The following LIPC variants were observed in gnomAD, a reference collection of about 807,000 sequenced individuals.
LIPC encodes lipase C, hepatic type, also known as hepatic triacylglycerol lipase.
In LIPC, 44 loss-of-function variants were observed where a neutral mutation model predicts 50.7. The observed-to-expected ratio is 0.87, with a 90% CI of 0.68 to 1.11. The LOEUF (loss-of-function observed/expected upper bound fraction) is 1.11. LIPC is among the 50% of genes most tolerant of loss of function. LIPC has a pLI of 0.00. For missense variants in LIPC, 697 were observed against 648.2 expected, an observed-to-expected ratio of 1.08 and a Z score of -0.82; for synonymous variants, 271 against 256.4, an observed-to-expected ratio of 1.06 and a Z score of -0.54.
intron 1 of LIPC, chr15:58,533,160 G>A (rs752579115): frequency 1.5e-5 from 15 of 985,326 alleles, no homozygotes; most frequent in South Asian, 4.7e-5. Context: ...CTCTTCTGAA[G>A]ACATGAGAAA....
chr15:58,553,324 G>A (rs926971148), intron 6 of LIPC, among the ~76,000 whole-genome samples: 10 of 152,182 alleles, frequency 6.6e-5, no homozygotes, highest in Non-Finnish European at 8.8e-5. Flanking sequence ...GGCCAGGCAC[G>A]GTGGCTCACA....
At chr15:58,499,481 T>A (rs1891896388) in intron 1 of LIPC, among the ~76,000 whole-genome samples, 1 of 152,196 alleles carries the variant, frequency 6.6e-6, no homozygotes, top group Non-Finnish European at 1.5e-5. Context: ...CTGAAGCAGC[T>A]TTCATAATTC....
At chr15:58,479,598 G>C (rs1336855412) in intron 1 of LIPC, among the ~76,000 whole-genome samples, 2 of 152,198 alleles carry the variant, frequency 1.3e-5, no homozygotes, top group Admixed American at 6.5e-5. Flanking sequence ...TGTCAATGCA[G>C]ATTGTAATTT....
intron 6 of LIPC, among the ~76,000 whole-genome samples, chr15:58,554,738 A>G (rs577145014): frequency 6.6e-6 from 1 of 152,240 alleles, no homozygotes; most frequent in Non-Finnish European, 1.5e-5. Flanking sequence ...ACAAAAGAGG[A>G]GGAGGAAGAA....
intron 1 of LIPC, among the ~76,000 whole-genome samples, chr15:58,478,235 T>G (rs1425192479): frequency 6.6e-6 from 1 of 152,162 alleles, no homozygotes; most frequent in African/African-American, 2.4e-5. Context: ...TCACATTTCT[T>G]TTTTTGTTAG....
At chr15:58,443,918 G>T (rs373217237) in intron 1 of LIPC, among the ~76,000 whole-genome samples, 1 of 152,168 alleles carries the variant, frequency 6.6e-6, no homozygotes, top group Admixed American at 6.5e-5. Context: ...CCTTCTTCAG[G>T]GTGGGGGAGA....
At chr15:58,508,125 G>A (rs1892214524) in intron 1 of LIPC, among the ~76,000 whole-genome samples, 1 of 151,998 alleles carries the variant, frequency 6.6e-6, no homozygotes, top group African/African-American at 2.4e-5. Context: ...GAGACTAGAG[G>A]TAATTGCTTT....
At chr15:58,520,596 A>G (rs1216945487) in intron 1 of LIPC, among the ~76,000 whole-genome samples, 1 of 152,178 alleles carries the variant, frequency 6.6e-6, no homozygotes, top group African/African-American at 2.4e-5. Flanking sequence ...CATCCTATGG[A>G]CTATCAGTCC....
At chr15:58,537,558 G>A (rs547990246) in intron 1 of LIPC, among the ~76,000 whole-genome samples, 49 of 152,204 alleles carry the variant, frequency 3.2e-4, no homozygotes, top group African/African-American at 1.1e-3. Context: ...TCCATGCTCT[G>A]GCCTGCCTGG....
chr15:58,563,606 C>T lies in LIPC; in HGVS notation c.1271C>T (p.Ala424Val). ...ATCAAGTTCAAGTGGGAAAACAGTG[C>T]AGTGTGGGCCAATGTCTGGGACACG... is the stretch of plus-strand genomic sequence containing the variant. ...IMIKFKWENS[A>V]VWANVWDTVQ... The change falls in exon 8 of 9, where the codon GCA (alanine) becomes GTA (valine). Residue 424 changes from alanine to valine, a missense_variant. Transcript: ENST00000299022. 6.2e-7 allele frequency: 1 copy of T among 1,614,162 alleles called. No homozygotes were observed. Among genetic ancestry groups the T allele is most frequent in the South Asian group, 1.1e-5 (1 of 91,072 alleles).
chr15:58,436,502 T>C (rs1893301973), intron 1 of LIPC: 1 of 242,256 alleles, frequency 4.1e-6, no homozygotes, highest in Non-Finnish European at 8.4e-6. Flanking sequence ...TTTTTAAAAA[T>C]TGTTCACTGC....
intron 1 of LIPC, among the ~76,000 whole-genome samples, chr15:58,437,437 A>G (rs1230017006): frequency 1.3e-5 from 2 of 152,212 alleles, no homozygotes; most frequent in East Asian, 3.8e-4. Flanking sequence ...AATTATGAAA[A>G]CACTGTAGAC....
chr15:58,473,404 G>C (rs76937582), intron 1 of LIPC, among the ~76,000 whole-genome samples: 1 of 152,324 alleles, frequency 6.6e-6, no homozygotes, highest in East Asian at 1.9e-4. Context: ...TGGGAGGCCA[G>C]TGGAACAACA....
chr15:58,473,563 GA>G (rs1295314777), intron 1 of LIPC: 1 of 152,226 alleles, frequency 6.6e-6, no homozygotes. Flanking sequence ...GGTAGGAGGA[GA>G]AAAAACTGCT....
chr15:58,564,080 T>C (rs559774734), intron 8 of LIPC: 24 of 329,282 alleles, frequency 7.3e-5, no homozygotes, highest in South Asian at 6.9e-4. Flanking sequence ...CTGTGGTAGA[T>C]GCAACATCTT....
chr15:58,517,621 C>T (rs749749722), intron 1 of LIPC, among the ~76,000 whole-genome samples: 1 of 152,200 alleles, frequency 6.6e-6, no homozygotes, highest in African/African-American at 2.4e-5. Flanking sequence ...ATATGAGCTC[C>T]TTTCCCACAC....
chr15:58,481,197 T>C (rs1891177117), intron 1 of LIPC, among the ~76,000 whole-genome samples: 2 of 152,244 alleles, frequency 1.3e-5, no homozygotes, highest in African/African-American at 4.8e-5. Context: ...AGGAAACTGA[T>C]ATCCTCATGA....
At chr15:58,563,200 G>A (rs1042844103) in intron 7 of LIPC, among the ~76,000 whole-genome samples, 3 of 152,140 alleles carry the variant, frequency 2.0e-5, no homozygotes, top group African/African-American at 4.8e-5. Flanking sequence ...TCTCCACAGC[G>A]GCTTCTTCCT....
At chr15:58,493,554 TAC>T (rs1566928175) in intron 1 of LIPC, among the ~76,000 whole-genome samples, 3 of 28,094 alleles carry the variant, frequency 1.1e-4, no homozygotes, top group South Asian at 1.5e-3. Context: ...CAAAATTTAT[TAC>T]ATATAAATAA....
Sources: allele counts gnomAD v4.1 joint callset (sites outside exome capture counted in the v4.1 genomes callset), GRCh38; gene constraint gnomAD v4.1.1; transcripts MANE v1.5; gene names NCBI Gene and HGNC (gene_info 2026-07-23, HGNC 2026-07-21).